The following PHACTR2 variants were observed in gnomAD, a reference collection of about 807,000 sequenced individuals.
PHACTR2 encodes chromosome 6 open reading frame 56.
In PHACTR2, 30 loss-of-function variants were observed where a neutral mutation model predicts 76.0. The observed-to-expected ratio is 0.39, with a 90% confidence interval of 0.30 to 0.54. The LOEUF (loss-of-function observed/expected upper bound fraction) is 0.54. Ranked by LOEUF, PHACTR2 falls within the 20% of genes least tolerant of loss-of-function variation. The pLI is 0.61. For missense variants in PHACTR2, 696 were observed against 781.1 expected (o/e 0.89, Z 1.30); for synonymous variants, 292 against 292.5 (o/e 1.00, Z 0.02).
Position 143,580,597 on chromosome 6 carries a change from C to T in PHACTR2, c.217+43390C>T, listed in dbSNP as rs1379298721. ...CTGAGGCAGGAGAATTGCTTGAACC[C>T]GGGAGGCAGAGGTTGCAGTGAACTG... On this transcript the variant is annotated intron_variant, in intron 1 of 11. Transcript: ENST00000367584. The surrounding 1 kb of genome is among the most constrained non-coding windows in gnomAD (Gnocchi z 4.2). 1.3e-5 allele frequency among the ~76,000 whole-genome samples: 2 copies of T among 152,086 alleles called. No individual in the cohort carries two copies. The highest frequency in any genetic ancestry group is 1.9e-4 in the East Asian group (1 of 5,194).
Position 143,695,609 on chromosome 6 carries a change from T to A in PHACTR2, c.47-16407T>A, listed in dbSNP as rs1295710283. Reference sequence around the variant, plus strand: ...GAATGAGCATAAGGTTCCTGCTAGATCTTTAAAAGGGAAGGGCAGAATAAA... The same window carrying A: ...GAATGAGCATAAGGTTCCTGCTAGAACTTTAAAAGGGAAGGGCAGAATAAA... On this transcript the variant is annotated intron_variant, in intron 1 of 12. Coordinates refer to ENST00000440869, the MANE Select transcript of PHACTR2 (RefSeq NM_001100164.2). This position sits in a 1 kb window ranked among gnomAD's most constrained non-coding sequence, Gnocchi z 4.4. 6.6e-6 allele frequency among the ~76,000 whole-genome samples: 1 copy of A among 152,194 alleles called. No homozygotes were observed. The highest frequency in any genetic ancestry group is 1.9e-4 in the East Asian group (1 of 5,196).
At chr6:143,667,297 G>A (rs1234639550) in intron 1 of PHACTR2, among the ~76,000 whole-genome samples, 1 of 152,214 alleles carries the variant, frequency 6.6e-6, no homozygotes. Context: ...AGTATAGTTT[G>A]AAGTCAGGTA....
chr6:143,741,860 G>A (rs1778951392), intron 2 of PHACTR2, among the ~76,000 whole-genome samples: 1 of 152,048 alleles, frequency 6.6e-6, no homozygotes, highest in South Asian at 2.1e-4. Context: ...CAAGTACTTT[G>A]GGAGGCTCAG....
rs1775944965 is a variant in PHACTR2 at position 143,801,110 on chromosome 6, C to G, written c.1846-5947C>G. ...CCTTTGTGGTTAACCCAACCTTTCT[C>G]TCTGGCTGCCCTTAACATTTTTTCC... On this transcript the variant is annotated intron_variant, in intron 11 of 12. Transcript: ENST00000440869. The surrounding 1 kb of genome is among the most constrained non-coding windows in gnomAD (Gnocchi z 4.6). Among the ~76,000 whole-genome samples the G allele has an allele frequency of 6.6e-6, 1 of 152,212 alleles. No individual in the cohort carries two copies. The highest frequency in any genetic ancestry group is 1.5e-5 in the Non-Finnish European group (1 of 68,040).
rs1370342607 is a variant in PHACTR2 at position 143,784,434 on chromosome 6, C to T, written c.1707+1154C>T. 1.3e-5 allele frequency among the ~76,000 whole-genome samples: 2 copies of T among 152,270 alleles called. No homozygotes were observed. The highest frequency in any genetic ancestry group is 6.5e-5 in the Admixed American group (1 of 15,296). On this transcript the variant is annotated intron_variant, in intron 10 of 12. Transcript: ENST00000440869. The surrounding 1 kb of genome is among the most constrained non-coding windows in gnomAD (Gnocchi z 4.5). Reference sequence around the variant, plus strand: ...AATCATTCTTCAGGCATACCTTATGCACCTAAAAATGGATAAAGTGACTAA... The same window carrying T: ...AATCATTCTTCAGGCATACCTTATGTACCTAAAAATGGATAAAGTGACTAA...
intron 1 of PHACTR2, among the ~76,000 whole-genome samples, chr6:143,600,642 G>A (rs1775803946): frequency 6.6e-6 from 1 of 152,194 alleles, no homozygotes; most frequent in South Asian, 2.1e-4. Flanking sequence ...AATTTAGAAA[G>A]AGGCCTGTAT....
At chr6:143,640,324 C>T (rs528816235) in intron 1 of PHACTR2, among the ~76,000 whole-genome samples, 56 of 152,166 alleles carry the variant, frequency 3.7e-4, no homozygotes, top group Non-Finnish European at 5.9e-4. Flanking sequence ...CAGTCAGTTC[C>T]TCCAGAAGGT....
At chr6:143,805,070 C>A (rs1776034720) in intron 11 of PHACTR2, among the ~76,000 whole-genome samples, 1 of 152,162 alleles carries the variant, frequency 6.6e-6, no homozygotes. Flanking sequence ...GACTAGAATC[C>A]CTGCCTTCTG....
Position 143,801,763 on chromosome 6 carries a change from TGGA to T in PHACTR2, c.1846-5289_1846-5287del, listed in dbSNP as rs1775960227. Among the ~76,000 whole-genome samples the T allele has an allele frequency of 6.6e-6, 1 of 152,352 alleles. No individual in the cohort carries two copies. The highest frequency in any genetic ancestry group is 6.5e-5 in the Admixed American group (1 of 15,304). Reference sequence around the variant, plus strand: ...TTGCTGGCGAGGAGTTGTGATCCTTTGGAGGAGAAGAGGCATTCTGGTTTTTGG... The same window carrying T: ...TTGCTGGCGAGGAGTTGTGATCCTTTGGAGAAGAGGCATTCTGGTTTTTGG... On this transcript the variant is annotated intron_variant, in intron 11 of 12. Transcript: ENST00000440869. This position sits in a 1 kb window ranked among gnomAD's most constrained non-coding sequence, Gnocchi z 4.6.
upstream of PHACTR2, chr6:143,608,091 C>T (rs762076952): frequency 6.6e-5 from 39 of 592,464 alleles, no homozygotes; most frequent in Middle Eastern, 4.5e-4. The surrounding 1 kb of genome is among the most constrained non-coding windows in gnomAD (Gnocchi z 4.6). Context: ...ACTTGATAGG[C>T]TCAGTCTCTC....
Position 143,602,758 on chromosome 6 carries a change from G to A in PHACTR2, c.217+65551G>A, listed in dbSNP as rs1775826020. ...AAAAGTCCAAACTTGTCGGAAGACT[G>A]TGTCTGATGGATGTTGCCTTATGTA... On this transcript the variant is annotated intron_variant, in intron 1 of 11. Transcript: ENST00000367584. The surrounding 1 kb of genome is among the most constrained non-coding windows in gnomAD (Gnocchi z 6.1). Among the ~76,000 whole-genome samples, 1 of 152,206 alleles carries A rather than the reference G, an allele frequency of 6.6e-6. No individual in the cohort carries two copies. The highest frequency in any genetic ancestry group is 1.5e-5 in the Non-Finnish European group (1 of 68,038).
At chr6:143,770,439 G>T (rs557931815) in intron 6 of PHACTR2, among the ~76,000 whole-genome samples, 3 of 152,128 alleles carry the variant, frequency 2.0e-5, no homozygotes, top group African/African-American at 7.2e-5. Flanking sequence ...GTAGTTACAC[G>T]GTAATGTGAA....
At chr6:143,728,614 C>T (rs990333532) in intron 2 of PHACTR2, among the ~76,000 whole-genome samples, 4 of 152,066 alleles carry the variant, frequency 2.6e-5, no homozygotes, top group African/African-American at 9.7e-5. Context: ...ACCAAAACAG[C>T]ATGGTATTTG....
intron 2 of PHACTR2, among the ~76,000 whole-genome samples, chr6:143,741,981 T>C (rs1778955723): frequency 1.3e-5 from 2 of 151,942 alleles, no homozygotes; most frequent in African/African-American, 2.4e-5. Context: ...GGCGGGCACC[T>C]GTAATCCCAG....
rs762758615 is a variant in PHACTR2, at chr6:143,807,871, C to T, written c.1922+738C>T. 2.6e-5 allele frequency among the ~76,000 whole-genome samples: 4 copies of T among 152,274 alleles called. No homozygotes were observed. In the East Asian group the frequency reaches 5.8e-4, roughly 22 times the overall value. On this transcript the variant is annotated intron_variant, in intron 12 of 12. Transcript: ENST00000440869. This position sits in a 1 kb window ranked among gnomAD's most constrained non-coding sequence, Gnocchi z 5.5. ...CCTGGTGCCACTGTTCCTGCAGTCCCGGTGATGATGGTACTGTGTGCTGGG... is the reference window on the plus strand; with the variant it reads ...CCTGGTGCCACTGTTCCTGCAGTCCTGGTGATGATGGTACTGTGTGCTGGG...
chr6:143,568,376 T>A (rs1219670976), intron 1 of PHACTR2, among the ~76,000 whole-genome samples: 1 of 152,344 alleles, frequency 6.6e-6, no homozygotes, highest in Non-Finnish European at 1.5e-5. Context: ...GGTGTTAATG[T>A]CTATCTTTAG....
chr6:143,649,233 G>A (rs1776713548), intron 1 of PHACTR2, among the ~76,000 whole-genome samples: 1 of 152,182 alleles, frequency 6.6e-6, no homozygotes, highest in African/African-American at 2.4e-5. Flanking sequence ...TAGGGATGGA[G>A]TGGATAAGGA....
At position 143,754,446 on chromosome 6, in the gene PHACTR2, G is replaced by A. The variant is rs909566938; in HGVS notation, c.454+534G>A. On this transcript the variant is annotated intron_variant, in intron 4 of 12. Transcript: ENST00000440869. This position sits in a 1 kb window ranked among gnomAD's most constrained non-coding sequence, Gnocchi z 6.2. ...CAGGAATAGCTCCCAGAGATGCCAC[G>A]GACTGTGGTTGCTCTGCTGGCTGAT... Among the ~76,000 whole-genome samples, 3 of 152,204 alleles carry A rather than the reference G, an allele frequency of 2.0e-5. No homozygotes were observed. Among genetic ancestry groups the A allele is most frequent in the Admixed American group, 1.3e-4 (2 of 15,286 alleles).
At chr6:143,704,632 A>G (rs1582791023) in intron 1 of PHACTR2, among the ~76,000 whole-genome samples, 1 of 152,194 alleles carries the variant, frequency 6.6e-6, no homozygotes, top group African/African-American at 2.4e-5. Flanking sequence ...CAACCAAGGA[A>G]CAAACACTGA....
Sources: gnomAD v4.1 joint callset for allele counts (sites outside exome capture counted in the v4.1 genomes callset) on GRCh38, gnomAD v4.1.1 for gene constraint, Gnocchi (gnomAD v3.1) non-coding constraint, MANE v1.5 for transcripts, NCBI Gene and HGNC (gene_info 2026-07-23, HGNC 2026-07-21) for gene names.